Variants in CPLANE1 observed in about 807,000 individuals in gnomAD.
CPLANE1 encodes the protein ciliogenesis and planar polarity effector complex subunit 1, also known as ciliogenesis and planar polarity effector 1.
A neutral mutation model predicts 362.5 loss-of-function variants in CPLANE1; 263 were observed. That is an observed-to-expected ratio of 0.73 (90% confidence interval 0.66 to 0.80). CPLANE1 has a LOEUF of 0.80. CPLANE1 is among the 30% of genes least tolerant of loss of function. The pLI, the probability that CPLANE1 is intolerant of heterozygous loss-of-function variation, is 0.00. For missense variants in CPLANE1, 3,461 were observed against 3,793.4 expected (o/e 0.91, Z 2.30); for synonymous variants, 1,212 against 1,302.6 (o/e 0.93, Z 1.50).
At chr5:37,084,895 TTAAGG>T in the CPLANE1 span, among the ~76,000 whole-genome samples, 1 of 151,546 alleles carries the variant, frequency 6.6e-6, no homozygotes, top group South Asian at 2.1e-4. Flanking sequence ...TCATATAAAC[TTAAGG>T]TAAAGGGGTG....
rs1561386135 is a variant in CPLANE1, at chr5:37,142,462, A to C, written c.8480T>G (p.Met2827Arg). 1.3e-6 allele frequency: 2 copies of C among 1,595,774 alleles called. No individual in the cohort carries two copies. The highest frequency in any genetic ancestry group is 8.5e-7 in the Non-Finnish European group (1 of 1,173,116). Residue 2827 changes from methionine (M) to arginine (R), a missense_variant, in exon 44 of 53, where the codon ATG becomes AGG. Physicochemically the swap from Met to Arg is moderately conservative, Grantham distance 91. Transcript: ENST00000651892. ...TTTGTCACTTTGATCTTCTTCATCCATATGGGTCAAAAAACGCACTAATCC... is the reference window on the plus strand; with the variant it reads ...TTTGTCACTTTGATCTTCTTCATCCCTATGGGTCAAAAAACGCACTAATCC... ...ISEEVRFLTH[M>R]DEEDQSDKKE...
At chr5:37,219,918 G>T (rs986251690) in intron 15 of CPLANE1, among the ~76,000 whole-genome samples, 3 of 151,982 alleles carry the variant, frequency 2.0e-5, no homozygotes, top group Admixed American at 6.6e-5. Flanking sequence ...ATATGAACAC[G>T]TATTACTTCC....
intron 7 of CPLANE1, 105 bp downstream of exon 7, chr5:37,239,608 G>GAAA: frequency 1.9e-6 from 1 of 527,106 alleles, no homozygotes; most frequent in African/African-American, 2.3e-5. Flanking sequence ...AAACCAGAAA[G>GAAA]AAAAAAAAAA....
intron 44 of CPLANE1, chr5:37,139,703 G>T: frequency 2.6e-6 from 1 of 381,532 alleles, no homozygotes. Context: ...GGTGTGTGCC[G>T]CAATGCAGGC....
intron 15 of CPLANE1, among the ~76,000 whole-genome samples, chr5:37,220,370 C>T (rs756038938): frequency 9.2e-5 from 14 of 152,196 alleles, no homozygotes; most frequent in South Asian, 2.1e-4. Flanking sequence ...CAGACACATT[C>T]GTATATACAG....
At chr5:37,112,012 G>C (rs1759497777) in intron 51 of CPLANE1, among the ~76,000 whole-genome samples, 1 of 152,194 alleles carries the variant, frequency 6.6e-6, no homozygotes, top group Admixed American at 6.5e-5. Context: ...ACAAGTGGAG[G>C]TGGGGTGCTG....
rs756189562 is a variant in CPLANE1, at chr5:37,243,063, C to T, written c.627G>A (p.Lys209=). 4.5e-6 allele frequency: 7 copies of T among 1,548,734 alleles called. No individual in the cohort carries two copies. The highest frequency in any genetic ancestry group is 6.1e-6 in the Non-Finnish European group (7 of 1,145,710). ...GCCACCGAATTGCTAGAAATGTTAA[C>T]TTCAGGCATTCCCCAGAATAAAAAG... The part of the protein sequence containing the change: ...SFTFYSGECL[K]LTFLAIRWHE... Residue 209 remains lysine, a synonymous_variant, in exon 6 of 53, where the codon AAG becomes AAA. Transcript: ENST00000651892.
intron 15 of CPLANE1, among the ~76,000 whole-genome samples, chr5:37,219,044 T>C (rs1361597991): frequency 6.6e-6 from 1 of 150,920 alleles, no homozygotes; most frequent in Non-Finnish European, 1.5e-5. Flanking sequence ...AATAAACAAA[T>C]AAATAAAGAC....
chr5:37,217,536 G>A (rs943359496), intron 15 of CPLANE1, among the ~76,000 whole-genome samples: 34 of 152,116 alleles, frequency 2.2e-4, no homozygotes, highest in African/African-American at 7.5e-4. Context: ...TAACCCAGGA[G>A]GCCGAAGTTG....
the CPLANE1 span, chr5:37,085,682 G>A: frequency 8.8e-7 from 1 of 1,134,344 alleles, no homozygotes; most frequent in Non-Finnish European, 1.3e-6. Flanking sequence ...TTTTGACGTG[G>A]TTCACATGAA....
At chr5:37,110,416 T>A (rs1158437275) in intron 51 of CPLANE1, among the ~76,000 whole-genome samples, 1 of 152,192 alleles carries the variant, frequency 6.6e-6, no homozygotes, top group Admixed American at 6.5e-5. Context: ...CTCCTTTTCA[T>A]CATTCAAGAT....
chr5:37,170,340 A>G lies in CPLANE1; in HGVS notation c.6172-9T>C. 3 of 1,597,442 alleles carry G rather than the reference A, an allele frequency of 1.9e-6. No homozygotes were observed. Among genetic ancestry groups the G allele is most frequent in the Non-Finnish European group, 2.6e-6 (3 of 1,171,946 alleles). On this transcript the variant is annotated splice_polypyrimidine_tract_variant and intron_variant, in intron 32 of 52. Transcript: ENST00000651892. ...AAGTTGATCTGTTGCAGCTTGAATA[A>G]AACAAAAATTGAAGCGATATCTTAA...
chr5:37,139,764 G>T, intron 44 of CPLANE1: 2 of 673,502 alleles, frequency 3.0e-6, no homozygotes, highest in Non-Finnish European at 3.7e-6. Context: ...TGCCCAGGTT[G>T]GTCTCGAACT....
chr5:37,099,718 C>T, the CPLANE1 span, among the ~76,000 whole-genome samples: 1 of 152,196 alleles, frequency 6.6e-6, no homozygotes, highest in East Asian at 1.9e-4. Context: ...AATCACACCA[C>T]ACTGTCTTCC....
intron 38 of CPLANE1, among the ~76,000 whole-genome samples, chr5:37,160,280 T>C (rs943001802): frequency 2.6e-5 from 4 of 152,032 alleles, no homozygotes; most frequent in Non-Finnish European, 5.9e-5. Context: ...TCAGTTCCGA[T>C]GTGGTGGTTC....
intron 2 of CPLANE1, 24 bp from the exon 3 acceptor site, chr5:37,245,869 A>C: frequency 6.8e-7 from 1 of 1,466,498 alleles, no homozygotes; most frequent in South Asian, 1.4e-5. Flanking sequence ...CATGTGAAGG[A>C]CTCAAGAGGT....
chr5:37,115,076 C>A (rs371346735), intron 50 of CPLANE1, 27 bp from the exon 51 acceptor site: 1 of 1,356,598 alleles, frequency 7.4e-7, no homozygotes, highest in Non-Finnish European at 1.1e-6. Flanking sequence ...ACATTATTAG[C>A]CTTCCATAGA....
chr5:37,195,745 C>T (rs147176657), intron 21 of CPLANE1, 113 bp downstream of exon 21: 4 of 1,003,248 alleles, frequency 4.0e-6, no homozygotes, highest in African/African-American at 3.3e-5. Flanking sequence ...TACTTGTAAA[C>T]ACAAAGTAAA....
At chr5:37,085,565 T>C in the CPLANE1 span, 1 of 840,802 alleles carries the variant, frequency 1.2e-6, no homozygotes. Context: ...AGATTACTGT[T>C]TTCATCAAGT....
Sources: allele counts gnomAD v4.1 joint callset (sites outside exome capture counted in the v4.1 genomes callset), GRCh38; gene constraint gnomAD v4.1.1; transcripts MANE v1.5; gene names NCBI Gene and HGNC (gene_info 2026-07-23, HGNC 2026-07-21).